Variants in SGPP2 observed in about 807,000 individuals in gnomAD.
SGPP2 encodes sphingosine-1-phosphate phosphatase 2.
In SGPP2, 30 loss-of-function variants were observed where a neutral mutation model predicts 33.9. The observed-to-expected ratio is 0.89, with a 90% CI of 0.66 to 1.20. The LOEUF (loss-of-function observed/expected upper bound fraction) is 1.20, where lower values mean the gene tolerates loss of function less well. Ranked by LOEUF, SGPP2 falls within the 50% of genes most tolerant of loss-of-function variation. SGPP2 has a pLI of 0.00. For missense variants in SGPP2, 458 were observed against 532.1 expected (o/e 0.86, Z 1.37); for synonymous variants, 233 against 225.0 (o/e 1.04, Z -0.32).
intron 2 of SGPP2, among the ~76,000 whole-genome samples, chr2:222,507,812 A>C (rs528205510): frequency 1.3e-5 from 2 of 152,318 alleles, no homozygotes; most frequent in African/African-American, 4.8e-5. Context: ...TATACTCTTC[A>C]GCCTCTTGCT....
At chr2:222,464,567 C>CG (rs1697715319) in intron 1 of SGPP2, among the ~76,000 whole-genome samples, 1 of 152,236 alleles carries the variant, frequency 6.6e-6, no homozygotes, top group African/African-American at 2.4e-5. Context: ...ACTGGAGCCT[C>CG]TACCACCCAG....
intron 1 of SGPP2, chr2:222,452,717 G>T: frequency 7.2e-7 from 1 of 1,382,386 alleles, no homozygotes; most frequent in Non-Finnish European, 1.0e-6. Flanking sequence ...AGGTCTGGTT[G>T]CTCCACATTG....
chr2:222,452,814 C>T lies in SGPP2; in HGVS notation c.220-21754C>T, dbSNP rs1415183244. On this transcript the variant is annotated intron_variant, in intron 1 of 4. Transcript: ENST00000321276. ...GGTAGGTGCTGAGGCCTGAGTCACA[C>T]CATTGCTATTCTGCGGCCAGTTGTT... 12 of 1,600,910 alleles carry T rather than the reference C, an allele frequency of 7.5e-6. 1 individual carries two copies. The highest frequency in any genetic ancestry group is 2.2e-5 in the South Asian group (2 of 90,722).
intron 1 of SGPP2, among the ~76,000 whole-genome samples, chr2:222,442,819 G>A (rs1697346473): frequency 6.6e-6 from 1 of 152,130 alleles, no homozygotes; most frequent in African/African-American, 2.4e-5. Context: ...CTGTCTCAGG[G>A]GACCCTTAAA....
intron 4 of SGPP2, among the ~76,000 whole-genome samples, chr2:222,546,711 C>T (rs909783218): frequency 2.0e-5 from 3 of 151,754 alleles, no homozygotes; most frequent in Admixed American, 6.6e-5. Context: ...CCAGATTTTT[C>T]TCTTGTGCCT....
At chr2:222,486,073 T>A (rs1698102445) in intron 2 of SGPP2, among the ~76,000 whole-genome samples, 1 of 152,218 alleles carries the variant, frequency 6.6e-6, no homozygotes, top group South Asian at 2.1e-4. Flanking sequence ...CCTCCATTCC[T>A]CTCTTGTGGG....
chr2:222,435,380 A>G (rs550272805), intron 1 of SGPP2, among the ~76,000 whole-genome samples: 1 of 152,258 alleles, frequency 6.6e-6, no homozygotes, highest in East Asian at 1.9e-4. Context: ...CACTGACTCA[A>G]ATGTTAATCT....
intron 3 of SGPP2, among the ~76,000 whole-genome samples, chr2:222,522,248 C>T (rs968881776): frequency 2.6e-5 from 4 of 152,202 alleles, no homozygotes; most frequent in Non-Finnish European, 5.9e-5. Flanking sequence ...CCCTGGGCTG[C>T]CTGATGAGAC....
At chr2:222,529,498 C>A (rs1000097178) in intron 4 of SGPP2, among the ~76,000 whole-genome samples, 9 of 152,142 alleles carry the variant, frequency 5.9e-5, no homozygotes, top group African/African-American at 2.2e-4. Context: ...CCACACCCAG[C>A]TAATTTTTGT....
intron 2 of SGPP2, among the ~76,000 whole-genome samples, chr2:222,483,657 G>A (rs1353084318): frequency 6.6e-6 from 1 of 152,176 alleles, no homozygotes; most frequent in Non-Finnish European, 1.5e-5. Context: ...TGTGTTTTGG[G>A]ATGTGGGCAG....
intron 1 of SGPP2, among the ~76,000 whole-genome samples, chr2:222,468,948 G>A (rs1055561614): frequency 6.6e-6 from 1 of 152,144 alleles, no homozygotes; most frequent in African/African-American, 2.4e-5. Flanking sequence ...CGACCTGAAA[G>A]GGAATATGGG....
intron 4 of SGPP2, among the ~76,000 whole-genome samples, chr2:222,539,629 C>T (rs1698962707): frequency 6.6e-6 from 1 of 152,344 alleles, no homozygotes; most frequent in East Asian, 1.9e-4. Flanking sequence ...ACACTGGAAT[C>T]CTTAGTCCTG....
At position 222,447,872 on chromosome 2, in the gene SGPP2, C is replaced by T. The variant is rs138337193; in HGVS notation, c.219+23051C>T. On this transcript the variant is annotated intron_variant, in intron 1 of 4. Coordinates refer to ENST00000321276, the MANE Select transcript of SGPP2 (RefSeq NM_152386.4). The stretch of plus-strand genomic sequence containing the variant: ...GTGAAGGAGGTAAAAAAAAAATAAC[C>T]AGAGGGGCACATAACAAATAATGTC... Among the ~76,000 whole-genome samples, 664 of 152,172 alleles carry T rather than the reference C, an allele frequency of 4.4e-3. 8 individuals carry two copies. Among genetic ancestry groups the T allele is most frequent in the African/African-American group, 0.015 (632 of 41,502 alleles).
At chr2:222,432,740 G>A (rs758913229) in intron 1 of SGPP2, among the ~76,000 whole-genome samples, 16 of 152,156 alleles carry the variant, frequency 1.1e-4, no homozygotes, top group Admixed American at 2.0e-4. Context: ...AGAAAAGATA[G>A]GCCAGATACG....
At chr2:222,546,504 T>A (rs1689205353) in intron 4 of SGPP2, among the ~76,000 whole-genome samples, 1 of 152,172 alleles carries the variant, frequency 6.6e-6, no homozygotes, top group Non-Finnish European at 1.5e-5. Flanking sequence ...AAACTAACAT[T>A]TTAAAAATCT....
chr2:222,493,382 TC>T (rs1360535054), intron 2 of SGPP2, among the ~76,000 whole-genome samples: 1 of 152,144 alleles, frequency 6.6e-6, no homozygotes, highest in African/African-American at 2.4e-5. Flanking sequence ...GAGAACTCAC[TC>T]ACTATCACGA....
Position 222,559,150 on chromosome 2 carries a change from GCA to G in SGPP2, c.*258_*259del, listed in dbSNP as rs1375382725. The G allele has an allele frequency of 1.6e-5, 3 of 189,726 alleles. 1 individual carries two copies. The highest frequency in any genetic ancestry group is 9.7e-5 in the African/African-American group (3 of 31,018). 11.8% of individuals were successfully genotyped at this position (189,726 alleles called of 1,614,324 possible). A position where few individuals can be genotyped will look rare whatever the true frequency, so the allele number is the denominator to read the frequency against. ...AAGACCATAATCCGGATCTTTAAAG[GCA>G]CACACCGCGCCCCCCCCCCCCCCGC... On this transcript the variant is annotated 3_prime_UTR_variant, in exon 5 of 5. Coordinates refer to ENST00000321276, the MANE Select transcript of SGPP2 (RefSeq NM_152386.4).
At chr2:222,519,590 G>A (rs768898329) in intron 2 of SGPP2, among the ~76,000 whole-genome samples, 46 of 152,146 alleles carry the variant, frequency 3.0e-4, no homozygotes, top group Non-Finnish European at 5.1e-4. Flanking sequence ...TAGATATGGG[G>A]GATATATGCG....
intron 1 of SGPP2, among the ~76,000 whole-genome samples, chr2:222,455,156 C>T (rs887711907): frequency 4.0e-5 from 6 of 151,718 alleles, no homozygotes; most frequent in African/African-American, 9.7e-5. Flanking sequence ...GATTGCTTGA[C>T]CCCAAGAGTT....
Sources: allele counts gnomAD v4.1 joint callset (sites outside exome capture counted in the v4.1 genomes callset), GRCh38; gene constraint gnomAD v4.1.1; transcripts MANE v1.5; gene names NCBI Gene and HGNC (gene_info 2026-07-23, HGNC 2026-07-21).